TBC1D22A: variants seen among roughly 807,000 people sequenced by gnomAD.
TBC1D22A encodes the protein putative GTPase activator.
A neutral mutation model predicts 60.2 loss-of-function variants in TBC1D22A; 38 were observed. The ratio of observed to expected loss-of-function variants is 0.63; its 90% confidence interval spans 0.49 to 0.83. TBC1D22A has a LOEUF of 0.83. TBC1D22A is among the 40% of genes least tolerant of loss of function. The pLI, the probability that TBC1D22A is intolerant of heterozygous loss-of-function variation, is 0.00. For synonymous variants in TBC1D22A, 302 were observed against 281.7 expected, an observed-to-expected ratio of 1.07 and a Z score of -0.72; for missense variants, 628 against 701.0, an observed-to-expected ratio of 0.90 and a Z score of 1.18.
intron 12 of TBC1D22A, among the ~76,000 whole-genome samples, chr22:47,121,706 GA>G (rs1278829315): frequency 3.3e-5 from 5 of 150,624 alleles, no homozygotes; most frequent in African/African-American, 9.9e-5. Flanking sequence ...TTTCTTGTTT[GA>G]AAAAAAATTT....
intron 4 of TBC1D22A, among the ~76,000 whole-genome samples, chr22:46,839,309 C>CTT (rs1178066621): frequency 3.6e-5 from 5 of 140,010 alleles, no homozygotes; most frequent in African/African-American, 5.2e-5. Flanking sequence ...GATTCTTCTT[C>CTT]TTTTTTTTTT....
chr22:46,829,583 C>T (rs2086219887), intron 4 of TBC1D22A, among the ~76,000 whole-genome samples: 1 of 152,194 alleles, frequency 6.6e-6, no homozygotes, highest in Non-Finnish European at 1.5e-5. Context: ...CAGAGAAAAA[C>T]CAAGTTAAGA....
intron 9 of TBC1D22A, among the ~76,000 whole-genome samples, chr22:46,980,349 A>G (rs1407417589): frequency 1.3e-5 from 2 of 151,932 alleles, no homozygotes; most frequent in Non-Finnish European, 2.9e-5. Context: ...CACCCAGCTA[A>G]TTTTTGTATT....
At chr22:47,068,162 T>C (rs1369407583) in intron 11 of TBC1D22A, among the ~76,000 whole-genome samples, 1 of 152,242 alleles carries the variant, frequency 6.6e-6, no homozygotes, top group Non-Finnish European at 1.5e-5. Context: ...AGCAGAGACC[T>C]TGTGGGCAGA....
At chr22:47,079,194 C>G (rs917922809) in intron 11 of TBC1D22A, among the ~76,000 whole-genome samples, 4 of 149,086 alleles carry the variant, frequency 2.7e-5, no homozygotes, top group African/African-American at 9.9e-5. Flanking sequence ...TCAAGCAATT[C>G]TCCTGTCTCA....
Position 47,109,228 on chromosome 22 carries a change from A to C in TBC1D22A, c.1330-2280A>C, listed in dbSNP as rs1459282136. Among the ~76,000 whole-genome samples the C allele has an allele frequency of 6.6e-5, 10 of 152,358 alleles. 1 individual carries two copies. In the South Asian group the frequency reaches 1.9e-3, roughly 28 times the overall value. ...GTATGCTCCTGATAACATAGCTTCC[A>C]AACACAGAAAACAAAGATTGGCAGA... is the stretch of plus-strand genomic sequence containing the variant. On this transcript the variant is annotated intron_variant, in intron 11 of 12. Coordinates refer to ENST00000337137, the MANE Select transcript of TBC1D22A (RefSeq NM_014346.5).
intron 12 of TBC1D22A, among the ~76,000 whole-genome samples, chr22:47,154,454 G>A (rs1465083786): frequency 6.6e-6 from 1 of 152,114 alleles, no homozygotes; most frequent in Non-Finnish European, 1.5e-5. Flanking sequence ...TTGAAATTAC[G>A]ACTCTTTGAC....
At chr22:47,018,914 C>G (rs1843536612) in intron 10 of TBC1D22A, among the ~76,000 whole-genome samples, 1 of 152,162 alleles carries the variant, frequency 6.6e-6, no homozygotes, top group East Asian at 1.9e-4. Context: ...TTTCCTTCCC[C>G]TCATCCTCCT....
intron 8 of TBC1D22A, among the ~76,000 whole-genome samples, chr22:46,943,850 G>GT (rs1479745954): frequency 6.6e-6 from 1 of 152,164 alleles, no homozygotes; most frequent in Non-Finnish European, 1.5e-5. Flanking sequence ...TGACCGTAAT[G>GT]TTTTTGAGGT....
At position 47,159,492 on chromosome 22, in the gene TBC1D22A, CACAT is replaced by C. The variant is rs370606308; in HGVS notation, c.1426-14002_1426-13999del. 2.0e-4 allele frequency among the ~76,000 whole-genome samples: 30 copies of C among 151,760 alleles called. 2 individuals are homozygous for C. Among genetic ancestry groups the C allele is most frequent in the African/African-American group, 7.0e-4 (29 of 41,330 alleles). On this transcript the variant is annotated intron_variant, in intron 12 of 12. Coordinates refer to ENST00000337137, the MANE Select transcript of TBC1D22A (RefSeq NM_014346.5). Reference sequence around the variant, plus strand: ...ACATGCCATGTAAACACACAGACAACACATACACGACATGCATACTCACCATGTT... The same window carrying C: ...ACATGCCATGTAAACACACAGACAACACACGACATGCATACTCACCATGTT...
chr22:46,812,517 C>T (rs867010459), intron 4 of TBC1D22A, among the ~76,000 whole-genome samples: 2 of 152,184 alleles, frequency 1.3e-5, no homozygotes, highest in Non-Finnish European at 2.9e-5. Context: ...CTCACAGCCT[C>T]GTCAGCCACT....
intron 12 of TBC1D22A, among the ~76,000 whole-genome samples, chr22:47,167,579 G>A (rs2068257476): frequency 6.6e-6 from 1 of 152,186 alleles, no homozygotes; most frequent in Non-Finnish European, 1.5e-5. Context: ...AATAAGGTAC[G>A]TGGACGCCAG....
intron 4 of TBC1D22A, among the ~76,000 whole-genome samples, chr22:46,873,735 G>A (rs1361845213): frequency 6.6e-6 from 1 of 151,694 alleles, no homozygotes; most frequent in Non-Finnish European, 1.5e-5. Context: ...CGTTAGTTTG[G>A]TAAGGATAAT....
chr22:46,956,196 A>T (rs2073179539), intron 8 of TBC1D22A, among the ~76,000 whole-genome samples: 1 of 152,192 alleles, frequency 6.6e-6, no homozygotes. Context: ...ATACCACAGA[A>T]GATGTTTGGA....
chr22:47,093,674 A>G lies in TBC1D22A; in HGVS notation c.1330-17834A>G, dbSNP rs16996347. On this transcript the variant is annotated intron_variant, in intron 11 of 12. Transcript: ENST00000337137. ...TGGGAAACGCCTTTCAAATTTGAAC[A>G]TGAAAACGATCTGTCATCACTGAGC... Among the ~76,000 whole-genome samples the G allele has an allele frequency of 6.5e-3, 993 of 152,360 alleles. 5 individuals are homozygous for G. The highest frequency in any genetic ancestry group is 0.011 in the Non-Finnish European group (767 of 68,030).
chr22:47,138,149 C>T lies in TBC1D22A; in HGVS notation c.1425+26546C>T, dbSNP rs117268424. 1.3e-3 allele frequency among the ~76,000 whole-genome samples: 193 copies of T among 152,292 alleles called. 2 individuals carry two copies. In the East Asian group the frequency reaches 0.021, roughly 17 times the overall value. On this transcript the variant is annotated intron_variant, in intron 12 of 12. Transcript: ENST00000337137. ...AGTCCTCGTGGGATCGTCCAGGTAG[C>T]GGCACCTCACAGCTGTCTCACGGCC...
chr22:46,849,175 G>A (rs890662584), intron 4 of TBC1D22A, among the ~76,000 whole-genome samples: 2 of 152,166 alleles, frequency 1.3e-5, no homozygotes, highest in Non-Finnish European at 2.9e-5. Flanking sequence ...TTCTTCTGTG[G>A]CAATGCTGTC....
intron 10 of TBC1D22A, among the ~76,000 whole-genome samples, chr22:47,026,557 G>C (rs2062264765): frequency 1.3e-5 from 2 of 152,108 alleles, no homozygotes; most frequent in African/African-American, 4.8e-5. Flanking sequence ...GTTTAGCAAG[G>C]GTTCAGGATA....
chr22:46,801,253 C>G (rs1175914554), intron 4 of TBC1D22A, among the ~76,000 whole-genome samples: 1 of 152,174 alleles, frequency 6.6e-6, no homozygotes, highest in Non-Finnish European at 1.5e-5. Flanking sequence ...AGTAAATTGC[C>G]TGTTTTTATA....
Sources: allele counts gnomAD v4.1 joint callset (sites outside exome capture counted in the v4.1 genomes callset), GRCh38; gene constraint gnomAD v4.1.1; transcripts MANE v1.5; gene names NCBI Gene and HGNC (gene_info 2026-07-23, HGNC 2026-07-21).